The following LOC128462377 variants were observed in gnomAD, a reference collection of about 807,000 sequenced individuals.
chr16:89,413,671 C>G, the LOC128462377 span, among the ~76,000 whole-genome samples: 37 of 152,158 alleles, frequency 2.4e-4, no homozygotes, highest in Admixed American at 9.2e-4. Context: ...GTGGCACCTA[C>G]AAATCCCTTA....
At chr16:89,370,097 A>C in the LOC128462377 span, among the ~76,000 whole-genome samples, 3 of 152,348 alleles carry the variant, frequency 2.0e-5, no homozygotes, top group Middle Eastern at 0.01. Context: ...CAGGCATGGC[A>C]GGAAGAAGAC....
At chr16:89,379,013 T>C in the LOC128462377 span, among the ~76,000 whole-genome samples, 3 of 152,254 alleles carry the variant, frequency 2.0e-5, no homozygotes, top group African/African-American at 4.8e-5. Flanking sequence ...CCTCCTGCAG[T>C]CGTAGACAAG....
chr16:89,409,820 T>G, the LOC128462377 span, among the ~76,000 whole-genome samples: 15 of 152,310 alleles, frequency 9.8e-5, no homozygotes, highest in African/African-American at 3.4e-4. Flanking sequence ...ACTTCTCAAT[T>G]TCAATCTAAA....
At chr16:89,408,843 A>AT in the LOC128462377 span, among the ~76,000 whole-genome samples, 13 of 152,300 alleles carry the variant, frequency 8.5e-5, no homozygotes, top group Non-Finnish European at 2.9e-5. Context: ...ATTTTCTGGG[A>AT]TTTTGTAGGA....
chr16:89,370,235 T>C, the LOC128462377 span, among the ~76,000 whole-genome samples: 5 of 152,204 alleles, frequency 3.3e-5, no homozygotes, highest in Admixed American at 2.6e-4. Flanking sequence ...GGGGAGCCCA[T>C]GTCCAGGGGT....
the LOC128462377 span, among the ~76,000 whole-genome samples, chr16:89,381,534 A>G: frequency 6.6e-6 from 1 of 152,204 alleles, no homozygotes; most frequent in Non-Finnish European, 1.5e-5. Flanking sequence ...TCTAGTTTAT[A>G]AAACATGCAC....
At chr16:89,365,659 C>T in the LOC128462377 span, among the ~76,000 whole-genome samples, 2 of 152,128 alleles carry the variant, frequency 1.3e-5, no homozygotes, top group African/African-American at 2.4e-5. Context: ...GGCCTTTTAC[C>T]GCAATTCTTC....
At chr16:89,349,768 C>T in the LOC128462377 span, among the ~76,000 whole-genome samples, 1 of 151,750 alleles carries the variant, frequency 6.6e-6, no homozygotes, top group Non-Finnish European at 1.5e-5. Context: ...GTACCCAAGA[C>T]AAAACTATGA....
the LOC128462377 span, among the ~76,000 whole-genome samples, chr16:89,325,640 G>C: frequency 6.6e-6 from 1 of 152,250 alleles, no homozygotes; most frequent in South Asian, 2.1e-4. Flanking sequence ...AATTGGAAGG[G>C]ACGGTGAAAC....
the LOC128462377 span, among the ~76,000 whole-genome samples, chr16:89,391,727 G>C: frequency 6.6e-6 from 1 of 152,304 alleles, no homozygotes; most frequent in East Asian, 1.9e-4. Flanking sequence ...AAGCACACTT[G>C]TAAGAAGTAA....
At chr16:89,381,054 G>A in the LOC128462377 span, among the ~76,000 whole-genome samples, 12 of 152,218 alleles carry the variant, frequency 7.9e-5, no homozygotes, top group African/African-American at 2.9e-4. Flanking sequence ...TGGGCGAGGT[G>A]GCTCAGGCCT....
chr16:89,359,966 G>T, the LOC128462377 span, among the ~76,000 whole-genome samples: 6 of 151,990 alleles, frequency 3.9e-5, no homozygotes. Flanking sequence ...TGTCGGCAGT[G>T]GGCGGGGGGG....
At chr16:89,410,331 T>TC in the LOC128462377 span, among the ~76,000 whole-genome samples, 1 of 152,068 alleles carries the variant, frequency 6.6e-6, no homozygotes, top group African/African-American at 2.4e-5. Context: ...TAGAAACTTT[T>TC]CCCACTAACA....
At chr16:89,403,360 A>G in the LOC128462377 span, among the ~76,000 whole-genome samples, 1 of 152,092 alleles carries the variant, frequency 6.6e-6, no homozygotes, top group South Asian at 2.1e-4. Context: ...GTGGAAGAAC[A>G]TGGAGGAGCT....
At chr16:89,327,111 T>G in the LOC128462377 span, among the ~76,000 whole-genome samples, 1,369 of 68,760 alleles carry the variant, frequency 0.02, 21 homozygotes, top group African/African-American at 0.072. Context: ...ATGCAGAGGT[T>G]GGAAATGCAG....
chr16:89,352,530 G>A, the LOC128462377 span, among the ~76,000 whole-genome samples: 10 of 152,206 alleles, frequency 6.6e-5, no homozygotes, highest in Admixed American at 1.3e-4. Context: ...AACACAGTGA[G>A]CGAGCCCTGC....
chr16:89,324,579 G>T, the LOC128462377 span: 1 of 452,424 alleles, frequency 2.2e-6, no homozygotes, highest in Non-Finnish European at 4.5e-6. Context: ...CATCTGGGGG[G>T]GCATGATCTC....
chr16:89,417,614 G>A, the LOC128462377 span, among the ~76,000 whole-genome samples: 1 of 152,092 alleles, frequency 6.6e-6, no homozygotes, highest in East Asian at 1.9e-4. Context: ...CATACACACT[G>A]GTCTCCAGCT....
At chr16:89,415,437 T>C in the LOC128462377 span, among the ~76,000 whole-genome samples, 1 of 150,968 alleles carries the variant, frequency 6.6e-6, no homozygotes, top group Non-Finnish European at 1.5e-5. Flanking sequence ...GCTAATTTTT[T>C]GTATTTTTAG....
Sources: allele counts gnomAD v4.1 joint callset (sites outside exome capture counted in the v4.1 genomes callset), GRCh38; gene constraint gnomAD v4.1.1; transcripts MANE v1.5.